TPTE: variants seen among roughly 807,000 people sequenced by gnomAD.
TPTE encodes the protein putative tyrosine-protein phosphatase TPTE.
Under a neutral mutation model 84.1 loss-of-function variants are expected in TPTE, and 59 were observed. That is an observed-to-expected ratio of 0.70 (90% CI 0.57 to 0.87). TPTE has a LOEUF of 0.87. Among genes scored for constraint, TPTE ranks in the 40% least tolerant of loss-of-function variants. TPTE has a pLI of 0.00. For synonymous variants in TPTE, 130 were observed against 223.5 expected, an observed-to-expected ratio of 0.58 and a Z score of 3.73; for missense variants, 382 against 659.6, an observed-to-expected ratio of 0.58 and a Z score of 4.61.
In TPTE at chr21:10,588,903, C is replaced by T. The variant is rs1325436640; in HGVS notation, c.1028-1559C>T. 5.9e-5 allele frequency among the ~76,000 whole-genome samples: 9 copies of T among 152,392 alleles called. No homozygotes were observed. In the South Asian group the frequency reaches 1.0e-3, roughly 18 times the overall value. On this transcript the variant is annotated intron_variant, in intron 17 of 23. Coordinates refer to ENST00000618007, the MANE Select transcript of TPTE (RefSeq NM_199261.4). Reference sequence around the variant, plus strand: ...GATGTTTATCTCTTCCTTCATTTCCCGGATTGATGTAGAAGTTTCTTTTTG... The same window carrying T: ...GATGTTTATCTCTTCCTTCATTTCCTGGATTGATGTAGAAGTTTCTTTTTG...
At chr21:10,576,838 CATATATATATATATATATATATATATAT>C (rs56285862) in intron 14 of TPTE, among the ~76,000 whole-genome samples, 9 of 135,970 alleles carry the variant, frequency 6.6e-5, no homozygotes, top group South Asian at 2.3e-4. Context: ...TACATATATA[CATATATATATATATATATATATATATAT>C]ATATATATAT....
chr21:10,570,388 CT>C (rs1393353614), intron 13 of TPTE, 96 bp from the exon 14 acceptor site: 892 of 1,581,612 alleles, frequency 5.6e-4, no homozygotes, highest in Non-Finnish European at 6.5e-4. Context: ...GGTTTTTTTT[CT>C]GTGAAAATGG....
rs545756071 is a variant in TPTE at position 10,544,642 on chromosome 21, C to T, written c.173+1260C>T. ...CTCGTGATCCACCCGCCTCAGCCTC[C>T]CAAACTGCTGGGTTTACGGTCATGA... On this transcript the variant is annotated intron_variant, in intron 7 of 23. Coordinates refer to ENST00000618007, the MANE Select transcript of TPTE (RefSeq NM_199261.4). Among the ~76,000 whole-genome samples, 12 of 152,418 alleles carry T rather than the reference C, an allele frequency of 7.9e-5. No individual in the cohort carries two copies. In the South Asian group the frequency reaches 2.5e-3, roughly 32 times the overall value.
chr21:10,596,526 A>AC (rs2075592172), intron 20 of TPTE, among the ~76,000 whole-genome samples: 1 of 151,272 alleles, frequency 6.6e-6, no homozygotes, highest in African/African-American at 2.5e-5. Context: ...TTTTAGAGGC[A>AC]TTTTTTTTCT....
At chr21:10,576,838 C>CATATAT (rs56285862) in intron 14 of TPTE, among the ~76,000 whole-genome samples, 1,616 of 135,214 alleles carry the variant, frequency 0.012, no homozygotes, top group Non-Finnish European at 0.016. Flanking sequence ...TACATATATA[C>CATATAT]ATATATATAT....
At chr21:10,531,525 C>T (rs1048589139) in intron 3 of TPTE, among the ~76,000 whole-genome samples, 21 of 152,410 alleles carry the variant, frequency 1.4e-4, no homozygotes, top group Middle Eastern at 3.4e-3. Context: ...ATTACCCAGC[C>T]TCAGGTATCC....
At chr21:10,537,329 A>G (rs2074283676) in intron 3 of TPTE, among the ~76,000 whole-genome samples, 1 of 152,312 alleles carries the variant, frequency 6.6e-6, no homozygotes, top group African/African-American at 2.4e-5. Context: ...TAGCACTGCC[A>G]AGTCTAAATT....
rs1459485008 is a variant in TPTE, at chr21:10,545,901, T to C, written c.173+2519T>C. On this transcript the variant is annotated intron_variant, in intron 7 of 23. Transcript: ENST00000618007. Reference sequence around the variant, plus strand: ...CAGTAGTCATGTATATATCCTTTAATATATATATGAGCATCTGTGTATATA... The same window carrying C: ...CAGTAGTCATGTATATATCCTTTAACATATATATGAGCATCTGTGTATATA... Among the ~76,000 whole-genome samples, 15 of 151,960 alleles carry C rather than the reference T, an allele frequency of 9.9e-5. No homozygotes were observed. The South Asian group carries it at 2.5e-3, about 25-fold the overall frequency.
At chr21:10,522,150 C>A (rs1292981205) in intron 1 of TPTE, among the ~76,000 whole-genome samples, 11 of 152,382 alleles carry the variant, frequency 7.2e-5, no homozygotes, top group Non-Finnish European at 7.3e-5. Context: ...TCTTGTCCCC[C>A]CCCAGGATGA....
At chr21:10,550,116 A>G (rs2074545237) in intron 7 of TPTE, among the ~76,000 whole-genome samples, 2 of 152,308 alleles carry the variant, frequency 1.3e-5, no homozygotes, top group Admixed American at 6.5e-5. Flanking sequence ...ATAAACAAAA[A>G]CCAAGATAAT....
At chr21:10,531,587 T>G (rs943790446) in intron 3 of TPTE, among the ~76,000 whole-genome samples, 44 of 152,406 alleles carry the variant, frequency 2.9e-4, no homozygotes, top group Non-Finnish European at 4.9e-4. Context: ...TTCAAAAGTT[T>G]GGACTATCGC....
intron 8 of TPTE, among the ~76,000 whole-genome samples, chr21:10,554,093 A>C (rs1184837520): frequency 6.6e-6 from 1 of 152,296 alleles, no homozygotes; most frequent in East Asian, 1.9e-4. Context: ...ATATGAGACC[A>C]TACTTATTCT....
At chr21:10,533,972 T>G (rs2074225177) in intron 3 of TPTE, among the ~76,000 whole-genome samples, 1 of 152,310 alleles carries the variant, frequency 6.6e-6, no homozygotes, top group Non-Finnish European at 1.5e-5. Context: ...TACAACTGGT[T>G]ACAGCTGGAT....
chr21:10,604,047 G>C (rs1168362021), intron 23 of TPTE, among the ~76,000 whole-genome samples: 1 of 152,310 alleles, frequency 6.6e-6, no homozygotes, highest in African/African-American at 2.4e-5. Flanking sequence ...GGAGGCTTCA[G>C]CTAGCTGAAA....
chr21:10,547,838 A>G (rs1193343613), intron 7 of TPTE, among the ~76,000 whole-genome samples: 1 of 152,310 alleles, frequency 6.6e-6, no homozygotes, highest in Non-Finnish European at 1.5e-5. Context: ...CCACACTTCC[A>G]GACAGAGGAA....
chr21:10,579,373 C>G (rs369418511), intron 17 of TPTE, among the ~76,000 whole-genome samples: 2 of 152,422 alleles, frequency 1.3e-5, no homozygotes, highest in East Asian at 1.9e-4. Context: ...ACCTGTAATC[C>G]CAGCTACTCG....
rs1352870700 is a variant in TPTE at position 10,544,576 on chromosome 21, G to A, written c.173+1194G>A. On this transcript the variant is annotated intron_variant, in intron 7 of 23. Coordinates refer to ENST00000618007, the MANE Select transcript of TPTE (RefSeq NM_199261.4). ...ATTTTTTGTATTTTTGGTAGGGGCGGGGTTTCACTATATTGGCCAGGCTGG... is the reference window on the plus strand; with the variant it reads ...ATTTTTTGTATTTTTGGTAGGGGCGAGGTTTCACTATATTGGCCAGGCTGG... Among the ~76,000 whole-genome samples, 6 of 152,428 alleles carry A rather than the reference G, an allele frequency of 3.9e-5. No individual in the cohort carries two copies. The East Asian group carries it at 7.7e-4, about 20-fold the overall frequency.
At chr21:10,579,487 T>G (rs894891384) in intron 17 of TPTE, among the ~76,000 whole-genome samples, 6 of 152,306 alleles carry the variant, frequency 3.9e-5, no homozygotes, top group African/African-American at 1.4e-4. Context: ...CAAAACTCCA[T>G]CTAAAAAAAT....
chr21:10,548,749 C>T (rs1395090934), intron 7 of TPTE, among the ~76,000 whole-genome samples: 1 of 152,310 alleles, frequency 6.6e-6, no homozygotes, highest in Non-Finnish European at 1.5e-5. Flanking sequence ...GGCCCCAGGC[C>T]AGATGAGCAG....
Sources: allele counts gnomAD v4.1 joint callset (sites outside exome capture counted in the v4.1 genomes callset), GRCh38; gene constraint gnomAD v4.1.1; transcripts MANE v1.5; gene names NCBI Gene and HGNC (gene_info 2026-07-23, HGNC 2026-07-21).